The following EXOC6B variants were observed in gnomAD, a reference collection of about 807,000 sequenced individuals.
EXOC6B encodes the protein SEC15 homolog B.
A neutral mutation model predicts 113.5 loss-of-function variants in EXOC6B; 54 were observed. The ratio of observed to expected loss-of-function variants is 0.48; its 90% CI spans 0.38 to 0.60. The LOEUF is 0.60. Ranked by LOEUF, EXOC6B falls within the 20% of genes least tolerant of loss-of-function variation. The pLI is 0.00. For missense variants in EXOC6B, 797 were observed against 977.5 expected, an observed-to-expected ratio of 0.82 and a Z score of 2.46; for synonymous variants, 357 against 339.0, an observed-to-expected ratio of 1.05 and a Z score of -0.58.
At chr2:72,821,053 T>C (rs1686554325) in intron 1 of EXOC6B, among the ~76,000 whole-genome samples, 1 of 151,876 alleles carries the variant, frequency 6.6e-6, no homozygotes, top group African/African-American at 2.4e-5. Context: ...TATCAAAAAA[T>C]GGAAAAGACA....
intron 1 of EXOC6B, among the ~76,000 whole-genome samples, chr2:72,755,797 G>C (rs1363017127): frequency 6.6e-6 from 1 of 152,172 alleles, no homozygotes; most frequent in Non-Finnish European, 1.5e-5. Context: ...GAAGAGAACT[G>C]ATGTTTCTGG....
intron 18 of EXOC6B, among the ~76,000 whole-genome samples, chr2:72,413,126 G>A (rs936980115): frequency 3.6e-4 from 54 of 151,478 alleles, no homozygotes; most frequent in African/African-American, 1.3e-3. Context: ...GCCCGGCGAA[G>A]TTTTTTTTGT....
chr2:72,741,278 AAC>A (rs1221565168), intron 2 of EXOC6B, 24 bp downstream of exon 2: 2 of 1,597,520 alleles, frequency 1.3e-6, no homozygotes, highest in African/African-American at 1.4e-5. Flanking sequence ...AGGACGGAGA[AAC>A]AGTATCTCTT....
At chr2:72,255,894 T>C (rs1683324916) in intron 20 of EXOC6B, among the ~76,000 whole-genome samples, 1 of 152,216 alleles carries the variant, frequency 6.6e-6, no homozygotes. Context: ...AGCCAGAGGA[T>C]AAACTACATT....
chr2:72,789,065 T>A (rs1684532946), intron 1 of EXOC6B, among the ~76,000 whole-genome samples: 1 of 152,174 alleles, frequency 6.6e-6, no homozygotes, highest in African/African-American at 2.4e-5. Context: ...CTAAAAACAC[T>A]GATGTGGTGG....
chr2:72,804,224 G>A (rs1399749616), intron 1 of EXOC6B, among the ~76,000 whole-genome samples: 1 of 152,162 alleles, frequency 6.6e-6, no homozygotes, highest in Non-Finnish European at 1.5e-5. Context: ...TTTTCCTGCA[G>A]ACTCATTCTC....
intron 8 of EXOC6B, among the ~76,000 whole-genome samples, chr2:72,551,700 GGGTTT>G (rs1703238026): frequency 2.0e-5 from 3 of 150,736 alleles, no homozygotes; most frequent in African/African-American, 7.3e-5. Context: ...AGTAGAGATG[GGGTTT>G]CACCATGGTC....
intron 20 of EXOC6B, among the ~76,000 whole-genome samples, chr2:72,193,739 G>A (rs957281459): frequency 1.3e-5 from 2 of 152,154 alleles, no homozygotes; most frequent in East Asian, 3.9e-4. Context: ...GACATGGCTA[G>A]ATCTCTCAGG....
chr2:72,346,820 T>C (rs1653818876), intron 19 of EXOC6B, among the ~76,000 whole-genome samples: 1 of 152,154 alleles, frequency 6.6e-6, no homozygotes, highest in South Asian at 2.1e-4. Flanking sequence ...CATTGGATTT[T>C]CCCTTAGTAT....
At chr2:72,711,711 T>C (rs1573668642) in intron 6 of EXOC6B, among the ~76,000 whole-genome samples, 1 of 152,218 alleles carries the variant, frequency 6.6e-6, no homozygotes, top group Middle Eastern at 3.4e-3. Context: ...CATTATTAAG[T>C]AAAATAAGGG....
At chr2:72,243,215 T>C (rs4368357) in intron 20 of EXOC6B, among the ~76,000 whole-genome samples, 2,393 of 152,200 alleles carry the variant, frequency 0.016, 57 homozygotes, top group African/African-American at 0.053. Flanking sequence ...ACTAGAAATA[T>C]CATTTGACCC....
chr2:72,232,446 A>G (rs1054092147), intron 20 of EXOC6B, among the ~76,000 whole-genome samples: 1 of 152,198 alleles, frequency 6.6e-6, no homozygotes, highest in African/African-American at 2.4e-5. Flanking sequence ...AGTTTAACCT[A>G]GTAATTCTTC....
At chr2:72,490,535 TA>T (rs911321122) in intron 16 of EXOC6B, among the ~76,000 whole-genome samples, 5 of 151,900 alleles carry the variant, frequency 3.3e-5, no homozygotes, top group Admixed American at 6.6e-5. Context: ...TCGTTAGTAA[TA>T]AAAAAAATCA....
At chr2:72,394,728 C>G (rs1324074401) in intron 18 of EXOC6B, among the ~76,000 whole-genome samples, 1 of 152,040 alleles carries the variant, frequency 6.6e-6, no homozygotes, top group Non-Finnish European at 1.5e-5. Flanking sequence ...ACCAAGATGT[C>G]AAAGAATCTG....
Position 72,477,690 on chromosome 2 carries a change from T to C in EXOC6B, c.1800+2926A>G, listed in dbSNP as rs141161942. The stretch of plus-strand genomic sequence containing the variant: ...ATGGCCTACAAGGCCAGAAATAATT[T>C]AACTCCTGAATACTTCATCTCTTAT... On this transcript the variant is annotated intron_variant, in intron 17 of 21. Transcript: ENST00000272427. 1.9e-3 allele frequency among the ~76,000 whole-genome samples: 284 copies of C among 152,328 alleles called. 3 individuals carry two copies. The highest frequency in any genetic ancestry group is 6.5e-3 in the African/African-American group (269 of 41,584).
intron 2 of EXOC6B, among the ~76,000 whole-genome samples, chr2:72,735,965 T>C (rs1271561084): frequency 2.0e-5 from 3 of 150,500 alleles, no homozygotes; most frequent in Non-Finnish European, 3.0e-5. Context: ...CAGCAGATCA[T>C]TTGAGACCAG....
chr2:72,653,790 T>C (rs1558885021), intron 6 of EXOC6B, among the ~76,000 whole-genome samples: 1 of 151,954 alleles, frequency 6.6e-6, no homozygotes, highest in Non-Finnish European at 1.5e-5. Context: ...ATTTTTCCCA[T>C]ATATATGCTT....
chr2:72,772,635 C>T (rs1205632860), intron 1 of EXOC6B, among the ~76,000 whole-genome samples: 2 of 152,098 alleles, frequency 1.3e-5, no homozygotes, highest in Non-Finnish European at 2.9e-5. Flanking sequence ...GGCAACAGGA[C>T]TGATCCTATA....
rs369901936 is a variant in EXOC6B at position 72,536,957 on chromosome 2, T to C, written c.916-21831A>G. Among the ~76,000 whole-genome samples, 224 of 152,388 alleles carry C rather than the reference T, an allele frequency of 1.5e-3. No individual in the cohort carries two copies. The South Asian group carries it at 0.018, about 12-fold the overall frequency. On this transcript the variant is annotated intron_variant, in intron 8 of 21. Coordinates refer to ENST00000272427, the MANE Select transcript of EXOC6B (RefSeq NM_015189.3). Reference sequence around the variant, plus strand: ...CCATTTATTCAGCACTTCATTTATGTCCTTTTAAAGAATTTTGAAATTTTC... The same window carrying C: ...CCATTTATTCAGCACTTCATTTATGCCCTTTTAAAGAATTTTGAAATTTTC...
Sources: gnomAD v4.1 joint callset for allele counts (sites outside exome capture counted in the v4.1 genomes callset) on GRCh38, gnomAD v4.1.1 for gene constraint, MANE v1.5 for transcripts, NCBI Gene and HGNC (gene_info 2026-07-23, HGNC 2026-07-21) for gene names.